The following ADAMTSL3 variants were observed in gnomAD, a reference collection of about 807,000 sequenced individuals.
The protein encoded by ADAMTSL3 is ADAMTS like 3.
ADAMTSL3 carries 128 observed loss-of-function variants against 201.7 expected under a neutral mutation model. The observed-to-expected ratio is 0.63, with a 90% CI of 0.55 to 0.73. The LOEUF (loss-of-function observed/expected upper bound fraction) is 0.73, where lower values mean the gene tolerates loss of function less well. ADAMTSL3 is among the 30% of genes least tolerant of loss of function. ADAMTSL3 has a pLI of 0.00. For missense variants in ADAMTSL3, 1,990 were observed against 2,119.6 expected, an observed-to-expected ratio of 0.94 and a Z score of 1.20; for synonymous variants, 738 against 748.4, an observed-to-expected ratio of 0.99 and a Z score of 0.23.
chr15:83,987,879 A>G (rs892295377), intron 21 of ADAMTSL3, among the ~76,000 whole-genome samples: 1 of 152,196 alleles, frequency 6.6e-6, no homozygotes, highest in East Asian at 1.9e-4. Flanking sequence ...GAAAAATAGT[A>G]TATAAACCAC....
intron 13 of ADAMTSL3, among the ~76,000 whole-genome samples, chr15:83,897,414 G>A (rs1362652052): frequency 6.6e-6 from 1 of 152,062 alleles, no homozygotes; most frequent in African/African-American, 2.4e-5. Flanking sequence ...GACTTCTATA[G>A]ACAGAATAGA....
At chr15:83,761,698 C>T (rs996449889) in intron 3 of ADAMTSL3, among the ~76,000 whole-genome samples, 2 of 152,134 alleles carry the variant, frequency 1.3e-5, no homozygotes, top group East Asian at 3.9e-4. Flanking sequence ...AACCCAAGAG[C>T]ATAGATAATA....
intron 17 of ADAMTSL3, among the ~76,000 whole-genome samples, chr15:83,929,749 CAGAGAG>C (rs763103696): frequency 3.3e-5 from 5 of 149,948 alleles, no homozygotes; most frequent in Admixed American, 6.7e-5. Flanking sequence ...CACACACACA[CAGAGAG>C]ACAGAGAGAG....
intron 3 of ADAMTSL3, among the ~76,000 whole-genome samples, chr15:83,708,335 T>C (rs1350593620): frequency 6.6e-6 from 1 of 152,224 alleles, no homozygotes; most frequent in Non-Finnish European, 1.5e-5. Flanking sequence ...CTTTTTAAAG[T>C]GTTTTATCCT....
At chr15:83,757,826 A>G (rs1449439409) in intron 3 of ADAMTSL3, among the ~76,000 whole-genome samples, 2 of 152,188 alleles carry the variant, frequency 1.3e-5, no homozygotes, top group Non-Finnish European at 2.9e-5. Flanking sequence ...GATACCCTGA[A>G]TCATCTCCCT....
At chr15:83,701,668 C>T (rs562012182) in intron 2 of ADAMTSL3, among the ~76,000 whole-genome samples, 111 of 152,322 alleles carry the variant, frequency 7.3e-4, no homozygotes, top group African/African-American at 2.5e-3. Flanking sequence ...TGCATCCCTT[C>T]ATTTTCTCTT....
chr15:83,878,478 G>A (rs1242799432), intron 9 of ADAMTSL3, among the ~76,000 whole-genome samples: 1 of 152,094 alleles, frequency 6.6e-6, no homozygotes, highest in Non-Finnish European at 1.5e-5. Flanking sequence ...GCCGGGTGTG[G>A]TGGCATGTGC....
intron 5 of ADAMTSL3, among the ~76,000 whole-genome samples, chr15:83,808,700 A>T (rs925048815): frequency 2.6e-5 from 4 of 152,230 alleles, no homozygotes; most frequent in Admixed American, 2.0e-4. Context: ...AGCACTATTC[A>T]CAATAGCCAA....
At chr15:83,996,414 C>A (rs1294556021) in intron 23 of ADAMTSL3, among the ~76,000 whole-genome samples, 2 of 152,048 alleles carry the variant, frequency 1.3e-5, no homozygotes, top group African/African-American at 4.8e-5. Flanking sequence ...ACATTTCTGG[C>A]AGAAAATATT....
At chr15:83,668,275 A>T (rs2061276915) in intron 2 of ADAMTSL3, among the ~76,000 whole-genome samples, 1 of 145,678 alleles carries the variant, frequency 6.9e-6, no homozygotes, top group African/African-American at 2.6e-5. Context: ...ATTCAACAAT[A>T]TAATTAAGGA....
rs755320935 is a variant in ADAMTSL3, at chr15:83,983,149, C to T, written c.3521C>T (p.Pro1174Leu). 1.5e-5 allele frequency: 24 copies of T among 1,613,574 alleles called. No homozygotes were observed. Among genetic ancestry groups the T allele is most frequent in the Admixed American group, 5.0e-5 (3 of 59,928 alleles). The change falls in exon 21 of 30, where the codon CCG becomes CTG. Residue 1174 changes from proline (P) to leucine (L), a missense_variant. Pro to Leu is a moderately conservative substitution (Grantham distance 98, BLOSUM62 -3). Coordinates refer to ENST00000286744, the MANE Select transcript of ADAMTSL3 (RefSeq NM_207517.3). ...AKNSGKLTFK[P>L]KGPVLMRQSQ... Reference sequence around the variant, plus strand: ...AACTCAGGCAAGCTGACATTCAAGCCGAAAGGACCTGTTCTCATGAGGCAA... The same window carrying T: ...AACTCAGGCAAGCTGACATTCAAGCTGAAAGGACCTGTTCTCATGAGGCAA...
In ADAMTSL3 at chr15:83,654,251, C is replaced by G. The variant is rs956034135; in HGVS notation, c.-59C>G. 2.0e-5 allele frequency: 3 copies of G among 152,248 alleles called. No individual in the cohort carries two copies. Among genetic ancestry groups the G allele is most frequent in the Non-Finnish European group, 4.4e-5 (3 of 68,166 alleles). The allele number at this position is 152,248 out of a possible 1,614,324, so 9.4% of individuals were successfully genotyped here. On this transcript the variant is annotated 5_prime_UTR_variant, in exon 1 of 30. Coordinates refer to ENST00000286744, the MANE Select transcript of ADAMTSL3 (RefSeq NM_207517.3). This position sits in a 1 kb window ranked among gnomAD's most constrained non-coding sequence, Gnocchi z 5.3. Reference sequence around the variant, plus strand: ...GAGCCCGCGCGGCCCCGGGGCTGCACGTCCCAGATACTTCTGCGGCGCAAG... The same window carrying G: ...GAGCCCGCGCGGCCCCGGGGCTGCAGGTCCCAGATACTTCTGCGGCGCAAG...
chr15:83,709,891 A>G (rs1264596228), intron 3 of ADAMTSL3, among the ~76,000 whole-genome samples: 1 of 152,166 alleles, frequency 6.6e-6, no homozygotes, highest in African/African-American at 2.4e-5. Context: ...GATAAAGGAC[A>G]TTAAGCACGA....
At chr15:83,774,978 C>A (rs1301321698) in intron 4 of ADAMTSL3, among the ~76,000 whole-genome samples, 1 of 151,994 alleles carries the variant, frequency 6.6e-6, no homozygotes, top group African/African-American at 2.4e-5. Flanking sequence ...TCCCAAGTAG[C>A]TGGGATTACA....
At chr15:83,707,786 A>G (rs78013233) in intron 3 of ADAMTSL3, among the ~76,000 whole-genome samples, 44,044 of 152,118 alleles carry the variant, frequency 0.29, 6,672 homozygotes, top group South Asian at 0.53. Flanking sequence ...TGGATCCAAC[A>G]TAATATAGGG....
intron 19 of ADAMTSL3, among the ~76,000 whole-genome samples, chr15:83,944,248 C>T (rs1407336333): frequency 6.6e-6 from 1 of 152,218 alleles, no homozygotes; most frequent in African/African-American, 2.4e-5. Context: ...GCACTCATGG[C>T]TCTCTTACTC....
chr15:83,838,297 T>C (rs960177496), intron 7 of ADAMTSL3, 82 bp downstream of exon 7: 1 of 1,506,090 alleles, frequency 6.6e-7, no homozygotes, highest in Non-Finnish European at 8.9e-7. Flanking sequence ...ATTTTCTGAA[T>C]GTTAAGCTTT....
intron 4 of ADAMTSL3, among the ~76,000 whole-genome samples, chr15:83,774,392 C>T (rs1224985213): frequency 6.6e-6 from 1 of 152,204 alleles, no homozygotes; most frequent in Non-Finnish European, 1.5e-5. Context: ...GCAGGGAGAG[C>T]ATATTTTGGC....
intron 15 of ADAMTSL3, among the ~76,000 whole-genome samples, chr15:83,909,813 A>C (rs1000035251): frequency 3.9e-5 from 6 of 152,078 alleles, no homozygotes; most frequent in African/African-American, 1.4e-4. Flanking sequence ...ACGGAATCTC[A>C]GCATGTTGGC....
Sources: allele counts gnomAD v4.1 joint callset (sites outside exome capture counted in the v4.1 genomes callset), GRCh38; gene constraint gnomAD v4.1.1; non-coding constraint Gnocchi (gnomAD v3.1); transcripts MANE v1.5; gene names NCBI Gene and HGNC (gene_info 2026-07-23, HGNC 2026-07-21).